The following ZNF443 variants were observed in gnomAD, a reference collection of about 807,000 sequenced individuals.
ZNF443 encodes the protein zinc finger protein 443, also known as Kruppel-type zinc finger (C2H2).
ZNF443 carries 3 observed loss-of-function variants against 12.0 expected under a neutral mutation model. The ratio of observed to expected loss-of-function variants is 0.25; its 90% confidence interval spans 0.11 to 0.64. The LOEUF is 0.64. Among genes scored for constraint, ZNF443 ranks in the 30% least tolerant of loss-of-function variants. The pLI is 0.84. For missense variants in ZNF443, 770 were observed against 808.8 expected (o/e 0.95, Z 0.58); for synonymous variants, 225 against 265.9 (o/e 0.85, Z 1.50).
intron 1 of ZNF443, among the ~76,000 whole-genome samples, chr19:12,437,045 A>G (rs1158299877): frequency 1.3e-5 from 2 of 151,746 alleles, no homozygotes; most frequent in African/African-American, 4.9e-5. Context: ...CTGAAGGTCC[A>G]TTTGTTGTGA....
intron 1 of ZNF443, among the ~76,000 whole-genome samples, chr19:12,436,728 T>C (rs1221208227): frequency 6.7e-6 from 1 of 150,372 alleles, no homozygotes; most frequent in Non-Finnish European, 1.5e-5. Context: ...AGAAAAATGT[T>C]ACAGGTTAGA....
Position 12,431,518 on chromosome 19 carries a change from C to A in ZNF443, c.654G>T (p.Thr218=). ...ATTCATATGGTTTCTCTCCAGTGTG[C>A]GTTCTTTCATGCATATGTAATAAAC... ...WPSLLHMHER[T]HTGEKPYECK... is the part of the protein sequence containing the mutation. The change falls in exon 4 of 4, where the codon ACG becomes ACT. Residue 218 remains threonine (T), a synonymous_variant. Coordinates refer to ENST00000301547, the MANE Select transcript of ZNF443 (RefSeq NM_005815.5). The A allele has an allele frequency of 6.2e-7, 1 of 1,614,040 alleles. No homozygotes were observed. Among genetic ancestry groups the A allele is most frequent in the South Asian group, 1.1e-5 (1 of 91,072 alleles).
chr19:12,430,897 T>C lies in ZNF443; in HGVS notation c.1275A>G (p.Val425=). 1 of 1,614,124 alleles carries C rather than the reference T, an allele frequency of 6.2e-7. No individual in the cohort carries two copies. Among genetic ancestry groups the C allele is most frequent in the Non-Finnish European group, 8.5e-7 (1 of 1,179,986 alleles). Reference sequence around the variant, plus strand: ...TGGGATAAACAAAGGCTTTCCCACATACCTTGCATTTATGAGGTCCATCTC... The same window carrying C: ...TGGGATAAACAAAGGCTTTCCCACACACCTTGCATTTATGAGGTCCATCTC... The part of the protein sequence containing the change: ...HTGDGPHKCK[V]CGKAFVYPSV... Residue 425 remains valine, a synonymous_variant, in exon 4 of 4, where the codon GTA becomes GTG. Transcript: ENST00000301547.
intron 1 of ZNF443, among the ~76,000 whole-genome samples, chr19:12,436,782 CAAAT>C (rs888036300): frequency 2.0e-4 from 26 of 131,804 alleles, no homozygotes; most frequent in African/African-American, 7.3e-4. Flanking sequence ...CACACACACA[CAAAT>C]ATACACATAT....
Position 12,430,153 on chromosome 19 carries a change from A to C in ZNF443, c.*3T>G. ...CCCACATTCCATACATTTAGAGAGAATGCTAGTGAGTCTTTTTATGTCTAT... is the reference window on the plus strand; with the variant it reads ...CCCACATTCCATACATTTAGAGAGACTGCTAGTGAGTCTTTTTATGTCTAT... On this transcript the variant is annotated 3_prime_UTR_variant, in exon 4 of 4. Coordinates refer to ENST00000301547, the MANE Select transcript of ZNF443 (RefSeq NM_005815.5). 1 of 1,612,408 alleles carries C rather than the reference A, an allele frequency of 6.2e-7. No homozygotes were observed. The highest frequency in any genetic ancestry group is 1.7e-5 in the Admixed American group (1 of 59,590).
At position 12,430,133 on chromosome 19, in the gene ZNF443, A is replaced by T. The variant is rs770973146; in HGVS notation, c.*23T>A. On this transcript the variant is annotated 3_prime_UTR_variant, in exon 4 of 4. Transcript: ENST00000301547. ...ATAAAATTAATAAATGCTTTCCCAC[A>T]TTCCATACATTTAGAGAGAATGCTA... The T allele has an allele frequency of 6.2e-7, 1 of 1,607,176 alleles. No homozygotes were observed. The highest frequency in any genetic ancestry group is 1.1e-5 in the South Asian group (1 of 89,960).
rs370657915 is a variant in ZNF443, at chr19:12,430,129, C to T, written c.*27G>A. The T allele has an allele frequency of 1.2e-6, 2 of 1,607,972 alleles. No homozygotes were observed. Among genetic ancestry groups the T allele is most frequent in the South Asian group, 1.1e-5 (1 of 90,162 alleles). ...TGAAATAAAATTAATAAATGCTTTC[C>T]CACATTCCATACATTTAGAGAGAAT... is the stretch of plus-strand genomic sequence containing the variant. On this transcript the variant is annotated 3_prime_UTR_variant, in exon 4 of 4. Transcript: ENST00000301547.
At chr19:12,436,965 A>G (rs571473777) in intron 1 of ZNF443, among the ~76,000 whole-genome samples, 19 of 151,710 alleles carry the variant, frequency 1.3e-4, no homozygotes, top group South Asian at 4.2e-4. Context: ...TAAATTGGGC[A>G]GGAGGGAGGA....
In ZNF443 at chr19:12,430,727, C is replaced by CTG. The variant is rs772146764; in HGVS notation, c.1444_1445insCA (p.Gly482AlafsTer67). 0.053 allele frequency: 84,928 copies of CTG among 1,613,336 alleles called. 2,543 individuals are homozygous for CTG. Among genetic ancestry groups the CTG allele is most frequent in the South Asian group, 0.1 (9,384 of 91,050 alleles). ...GGAACAGAAATCAATACAGGCTTTC[C>CTG]CAAGTTTGCATTTATAGGGTTTCTC... On this transcript the variant is annotated frameshift_variant, in exon 4 of 4. Transcript: ENST00000301547. LOFTEE classifies it low-confidence loss of function (END_TRUNC).
Position 12,440,982 on chromosome 19 carries a change from C to G in ZNF443, c.-68G>C, listed in dbSNP as rs1383782046. 6.2e-7 allele frequency: 1 copy of G among 1,612,694 alleles called. No individual in the cohort carries two copies. The highest frequency in any genetic ancestry group is 8.5e-7 in the Non-Finnish European group (1 of 1,179,096). On this transcript the variant is annotated 5_prime_UTR_variant, in exon 1 of 4. Coordinates refer to ENST00000301547, the MANE Select transcript of ZNF443 (RefSeq NM_005815.5). Reference sequence around the variant, plus strand: ...GCTGCCAATGCGTGTTCCAGCCAGACAAAGGCTGCCTCAGAACTTCCAGGT... The same window carrying G: ...GCTGCCAATGCGTGTTCCAGCCAGAGAAAGGCTGCCTCAGAACTTCCAGGT...
At chr19:12,438,467 G>C (rs4804698) in intron 1 of ZNF443, among the ~76,000 whole-genome samples, 1 of 152,210 alleles carries the variant, frequency 6.6e-6, no homozygotes, top group East Asian at 1.9e-4. Context: ...TCATCTGTCA[G>C]ATATAACAGG....
intron 1 of ZNF443, among the ~76,000 whole-genome samples, chr19:12,438,993 T>C (rs1485276041): frequency 6.6e-6 from 1 of 152,224 alleles, no homozygotes; most frequent in Non-Finnish European, 1.5e-5. Context: ...CAGTGCTGAC[T>C]GGAACACAGA....
chr19:12,431,389 G>A lies in ZNF443; in HGVS notation c.783C>T (p.Ala261=), dbSNP rs771211044. 38 of 1,613,898 alleles carry A rather than the reference G, an allele frequency of 2.4e-5. No individual in the cohort carries two copies. Among genetic ancestry groups the A allele is most frequent in the Non-Finnish European group, 2.5e-5 (29 of 1,179,962 alleles). The change falls in exon 4 of 4, where the codon GCC becomes GCT. Residue 261 remains alanine (A), a synonymous_variant. Transcript: ENST00000301547. ...KPYECKQCSK[A]FPFYSSYLRH... is the part of the protein sequence containing the mutation. The stretch of plus-strand genomic sequence containing the variant: ...TTAGATAGGAACTGTAAAAAGGAAA[G>A]GCTTTAGAACACTGTTTACATTCAT...
intron 1 of ZNF443, among the ~76,000 whole-genome samples, 169 bp downstream of exon 1, chr19:12,440,743 G>C (rs1014843349): frequency 3.3e-5 from 5 of 152,172 alleles, no homozygotes; most frequent in African/African-American, 1.2e-4. Context: ...CGGGGTCCCG[G>C]CTGCATGCCC....
rs371741943 is a variant in ZNF443, at chr19:12,431,115, G to A, written c.1057C>T (p.Gln353Ter). Residue 353 changes from glutamine (Q) to a stop codon, truncating the protein, a stop_gained, in exon 4 of 4, where the codon CAA becomes TAA. Coordinates refer to ENST00000301547, the MANE Select transcript of ZNF443 (RefSeq NM_005815.5). LOFTEE classifies it low-confidence loss of function (END_TRUNC). ...CCAGTGTGCCTTATCATGTGTCTTT[G>A]AAAGCTTCCCAGATGATGAAACGCT... ...GKAFHHLGSF[Q>*]RHMIRHTGNG... The A allele has an allele frequency of 3.1e-6, 5 of 1,613,920 alleles. No homozygotes were observed. Among genetic ancestry groups the A allele is most frequent in the Non-Finnish European group, 4.2e-6 (5 of 1,180,006 alleles).
Position 12,431,746 on chromosome 19 carries a change from C to A in ZNF443, c.426G>T (p.Thr142=), listed in dbSNP as rs372944620. 1.2e-6 allele frequency: 2 copies of A among 1,614,116 alleles called. No homozygotes were observed. The highest frequency in any genetic ancestry group is 1.7e-6 in the Non-Finnish European group (2 of 1,180,000). ...TGAAGGCTTTCCCACGTTGTTTATG[C>A]GTATCTGGCTTCTCTCCACATTCAT... ...EYHECGEKPD[T]HKQRGKAFSY... The change falls in exon 4 of 4, where the codon ACG becomes ACT. Residue 142 remains threonine, a synonymous_variant. Transcript: ENST00000301547.
intron 1 of ZNF443, among the ~76,000 whole-genome samples, chr19:12,434,724 T>A (rs1970291912): frequency 6.6e-6 from 1 of 151,850 alleles, no homozygotes; most frequent in Admixed American, 6.6e-5. Context: ...TACATATATA[T>A]ATATGAAGAA....
At chr19:12,440,082 A>G (rs978898177) in intron 1 of ZNF443, among the ~76,000 whole-genome samples, 12 of 152,112 alleles carry the variant, frequency 7.9e-5, no homozygotes, top group South Asian at 4.2e-4. Flanking sequence ...GGACCACGGA[A>G]ACCACAGCTC....
intron 1 of ZNF443, among the ~76,000 whole-genome samples, chr19:12,438,597 T>G (rs1970336710): frequency 6.6e-6 from 1 of 152,122 alleles, no homozygotes; most frequent in African/African-American, 2.4e-5. Flanking sequence ...AAAAATGTAT[T>G]CCTTTTTTGC....
Sources: allele counts gnomAD v4.1 joint callset (sites outside exome capture counted in the v4.1 genomes callset), GRCh38; gene constraint gnomAD v4.1.1; transcripts MANE v1.5; gene names NCBI Gene and HGNC (gene_info 2026-07-23, HGNC 2026-07-21).